Variants in PRKCH observed in about 807,000 individuals in gnomAD.
PRKCH encodes the protein protein kinase C eta.
In PRKCH, 28 loss-of-function variants were observed where a neutral mutation model predicts 82.5. That is an observed-to-expected ratio of 0.34 (90% CI 0.25 to 0.47). The LOEUF (loss-of-function observed/expected upper bound fraction) is 0.47, where lower values mean the gene tolerates loss of function less well. Ranked by LOEUF, PRKCH falls within the 20% of genes least tolerant of loss-of-function variation. PRKCH has a pLI of 1.00. For synonymous variants in PRKCH, 322 were observed against 327.4 expected, an observed-to-expected ratio of 0.98 and a Z score of 0.18; for missense variants, 705 against 881.8, an observed-to-expected ratio of 0.80 and a Z score of 2.54.
At chr14:61,463,589 C>G (rs1566896875) in intron 9 of PRKCH, among the ~76,000 whole-genome samples, 1 of 152,078 alleles carries the variant, frequency 6.6e-6, no homozygotes, top group African/African-American at 2.4e-5. Flanking sequence ...ATAACCTGTA[C>G]TAAAACTCAC....
At chr14:61,387,092 TTG>T (rs1243755419) in intron 1 of PRKCH, among the ~76,000 whole-genome samples, 4 of 152,220 alleles carry the variant, frequency 2.6e-5, no homozygotes, top group African/African-American at 9.7e-5. Context: ...ACTCCCAAGT[TTG>T]TGTCCTTCCA....
chr14:61,232,992 G>T (rs757629563), intron 1 of PRKCH, among the ~76,000 whole-genome samples: 5 of 152,108 alleles, frequency 3.3e-5, no homozygotes, highest in Non-Finnish European at 7.3e-5. Context: ...TAGTATCATT[G>T]TCCACCCCTA....
intron 1 of PRKCH, among the ~76,000 whole-genome samples, chr14:61,385,425 G>A (rs1232161253): frequency 2.0e-5 from 3 of 152,186 alleles, no homozygotes; most frequent in African/African-American, 7.2e-5. Flanking sequence ...CACTGCACGA[G>A]CACAGGATGT....
intron 1 of PRKCH, among the ~76,000 whole-genome samples, chr14:61,244,464 C>T (rs1426854832): frequency 6.6e-6 from 1 of 152,138 alleles, no homozygotes; most frequent in East Asian, 1.9e-4. Flanking sequence ...TTAAACCTAC[C>T]CTGCTCTATC....
intron 1 of PRKCH, among the ~76,000 whole-genome samples, chr14:61,374,612 T>C (rs1299748270): frequency 6.6e-6 from 1 of 152,082 alleles, no homozygotes; most frequent in Non-Finnish European, 1.5e-5. Context: ...TTGCCAAGGC[T>C]TGAGGCTTGC....
At chr14:61,391,626 T>C (rs1021187698) in intron 2 of PRKCH, among the ~76,000 whole-genome samples, 2 of 152,210 alleles carry the variant, frequency 1.3e-5, no homozygotes, top group Non-Finnish European at 2.9e-5. Flanking sequence ...CATCTTTTAG[T>C]TTGCCTGTGA....
intron 1 of PRKCH, among the ~76,000 whole-genome samples, chr14:61,188,272 G>T (rs1356958330): frequency 2.0e-5 from 3 of 152,210 alleles, no homozygotes; most frequent in Admixed American, 6.5e-5. Flanking sequence ...GCAGAGGGGA[G>T]GGGAGGCGGC....
At chr14:61,394,014 C>T (rs1335259902) in intron 2 of PRKCH, among the ~76,000 whole-genome samples, 2 of 152,194 alleles carry the variant, frequency 1.3e-5, no homozygotes, top group East Asian at 3.8e-4. Flanking sequence ...TATCAAGCTA[C>T]TTCACCATTA....
At chr14:61,436,394 A>T (rs1297185822) in intron 2 of PRKCH, among the ~76,000 whole-genome samples, 2 of 152,190 alleles carry the variant, frequency 1.3e-5, no homozygotes, top group East Asian at 3.8e-4. Flanking sequence ...CTCCACAGTG[A>T]GATCCGGGTC....
At chr14:61,310,932 A>C (rs947528858) in intron 1 of PRKCH, among the ~76,000 whole-genome samples, 5 of 152,220 alleles carry the variant, frequency 3.3e-5, no homozygotes, top group African/African-American at 1.2e-4. Flanking sequence ...TGGGGCTTGC[A>C]CCTTCTGAAG....
At chr14:61,503,633 G>A (rs1337186337) in intron 10 of PRKCH, among the ~76,000 whole-genome samples, 3 of 152,134 alleles carry the variant, frequency 2.0e-5, no homozygotes, top group African/African-American at 7.2e-5. Flanking sequence ...GCTTTGGCAG[G>A]AGGAATGGGA....
chr14:61,276,190 T>C (rs1028394208), intron 1 of PRKCH, among the ~76,000 whole-genome samples: 42 of 152,140 alleles, frequency 2.8e-4, no homozygotes, highest in African/African-American at 1.0e-3. Context: ...TACTCTGTTT[T>C]GGTTGGAGGA....
chr14:61,483,969 A>G (rs1249294609), intron 9 of PRKCH, among the ~76,000 whole-genome samples: 1 of 152,182 alleles, frequency 6.6e-6, no homozygotes, highest in African/African-American at 2.4e-5. Context: ...TGAGCCCTGG[A>G]GGTCAAGGCT....
intron 1 of PRKCH, among the ~76,000 whole-genome samples, chr14:61,260,027 C>A (rs1214625478): frequency 1.3e-5 from 2 of 152,118 alleles, no homozygotes; most frequent in Non-Finnish European, 1.5e-5. Context: ...AGATTAAAGA[C>A]CAGTATCCTG....
chr14:61,328,215 G>A lies in PRKCH; in HGVS notation c.363+5751G>A, dbSNP rs368769666. Among the ~76,000 whole-genome samples the A allele has an allele frequency of 3.5e-5, 5 of 144,372 alleles. No homozygotes were observed. In the East Asian group the frequency reaches 6.2e-4, roughly 18 times the overall value. 94.7% of individuals were successfully genotyped at this position (144,372 alleles called of 152,430 possible). A position where few individuals can be genotyped will look rare whatever the true frequency, so the allele number is the denominator to read the frequency against. ...CAGTGAGCCGAGATTGCGCCACTGC[G>A]GTCCGCAGTCCGGCCTGGGCAACAG... On this transcript the variant is annotated intron_variant, in intron 1 of 13. Coordinates refer to ENST00000332981, the MANE Select transcript of PRKCH (RefSeq NM_006255.5).
chr14:61,356,305 G>A (rs2046148072), intron 1 of PRKCH, among the ~76,000 whole-genome samples: 1 of 152,196 alleles, frequency 6.6e-6, no homozygotes, highest in Non-Finnish European at 1.5e-5. Flanking sequence ...TGTTGCCAAG[G>A]AGGGGAGCTT....
chr14:61,395,626 T>C (rs1009635598), intron 2 of PRKCH, among the ~76,000 whole-genome samples: 3 of 152,112 alleles, frequency 2.0e-5, no homozygotes, highest in African/African-American at 7.2e-5. Context: ...TGATATAATA[T>C]ATGGGGAAGT....
At chr14:61,366,996 C>A (rs555587448) in intron 1 of PRKCH, among the ~76,000 whole-genome samples, 1 of 152,012 alleles carries the variant, frequency 6.6e-6, no homozygotes, top group African/African-American at 2.4e-5. Context: ...ACAAATACTT[C>A]GATGAGTAGG....
At chr14:61,314,122 A>C (rs1427491723) in intron 1 of PRKCH, among the ~76,000 whole-genome samples, 1 of 152,256 alleles carries the variant, frequency 6.6e-6, no homozygotes, top group African/African-American at 2.4e-5. Context: ...AAATGTTTGC[A>C]GTGACTAAAT....
Sources: gnomAD v4.1 joint callset for allele counts (sites outside exome capture counted in the v4.1 genomes callset) on GRCh38, gnomAD v4.1.1 for gene constraint, MANE v1.5 for transcripts, NCBI Gene and HGNC (gene_info 2026-07-23, HGNC 2026-07-21) for gene names.